The following ABCB4 variants were observed in gnomAD, a reference collection of about 807,000 sequenced individuals.
ABCB4 encodes the protein phosphatidylcholine translocator ABCB4.
A neutral mutation model predicts 145.7 loss-of-function variants in ABCB4; 76 were observed. The ratio of observed to expected loss-of-function variants is 0.52; its 90% CI spans 0.43 to 0.63. The LOEUF (loss-of-function observed/expected upper bound fraction) is 0.63, where lower values mean the gene tolerates loss of function less well. Ranked by LOEUF, ABCB4 falls within the 30% of genes least tolerant of loss-of-function variation. ABCB4 has a pLI of 0.00. For missense variants in ABCB4, 1,234 were observed against 1,553.1 expected (o/e 0.79, Z 3.45); for synonymous variants, 517 against 566.8 (o/e 0.91, Z 1.25).
chr7:87,474,422 G>A (rs540952717), intron 2 of ABCB4, among the ~76,000 whole-genome samples: 4 of 152,138 alleles, frequency 2.6e-5, no homozygotes, highest in Non-Finnish European at 5.9e-5. Context: ...ATACAGCAAG[G>A]TTACTGCACA....
At position 87,444,502 on chromosome 7, in the gene ABCB4, G is replaced by A. The variant is rs569746985; in HGVS notation, c.1119+360C>T. On this transcript the variant is annotated intron_variant, in intron 10 of 27. Coordinates refer to ENST00000649586, the MANE Select transcript of ABCB4 (RefSeq NM_000443.4). ...ATATACTGTCAATTTTGGTCCCACC[G>A]ATAATTTATCTACCCCCCATCCCAT... Among the ~76,000 whole-genome samples the A allele has an allele frequency of 5.9e-5, 9 of 152,160 alleles. No homozygotes were observed. The South Asian group carries it at 1.5e-3, about 25-fold the overall frequency.
At chr7:87,381,951 T>C in the ABCB4 span, 41 of 1,611,170 alleles carry the variant, frequency 2.5e-5, no homozygotes, top group South Asian at 4.2e-4. Context: ...ACATCAGTTA[T>C]TATGTGGATG....
At chr7:87,411,781 T>A in intron 23 of ABCB4, 112 bp downstream of exon 23, 1 of 978,654 alleles carries the variant, frequency 1.0e-6, no homozygotes, top group Non-Finnish European at 1.6e-6. Context: ...TAAATTTAAA[T>A]CCCTGACCTC....
At position 87,408,724 on chromosome 7, in the gene ABCB4, G is replaced by T. The variant is rs111715520; in HGVS notation, c.3082-490C>A. 2.6e-3 allele frequency among the ~76,000 whole-genome samples: 389 copies of T among 152,300 alleles called. 1 individual carries two copies. The highest frequency in any genetic ancestry group is 8.9e-3 in the African/African-American group (370 of 41,552). On this transcript the variant is annotated intron_variant, in intron 24 of 27. Transcript: ENST00000649586. ...GAAAGTCCTGGAAAGACTGTGTTAA[G>T]TCCTAGCCTCTTTACCTACACAGCT...
At chr7:87,384,681 A>G in the ABCB4 span, among the ~76,000 whole-genome samples, 1 of 152,028 alleles carries the variant, frequency 6.6e-6, no homozygotes, top group Non-Finnish European at 1.5e-5. Flanking sequence ...TGGGCTGCTG[A>G]TTGTTTCCTC....
intron 8 of ABCB4, 97 bp from the exon 9 acceptor site, chr7:87,447,302 A>G: frequency 8.2e-7 from 1 of 1,226,420 alleles, no homozygotes; most frequent in Admixed American, 2.0e-5. Context: ...TTTAAGTAAC[A>G]AAGTCAGTCA....
chr7:87,393,070 G>A, the ABCB4 span: 8 of 1,611,376 alleles, frequency 5.0e-6, no homozygotes, highest in Non-Finnish European at 6.8e-6. Context: ...GATGACAGGT[G>A]AGGCTTCTCT....
intron 27 of ABCB4, among the ~76,000 whole-genome samples, 154 bp downstream of exon 27, chr7:87,402,981 A>ACC (rs890441532): frequency 6.6e-6 from 1 of 152,222 alleles, no homozygotes; most frequent in Non-Finnish European, 1.5e-5. Context: ...CTAGGCAACA[A>ACC]CGAGACCCCG....
rs181857019 is a variant in ABCB4 at position 87,406,873 on chromosome 7, C to T, written c.3280-379G>A. ...ACCCTTCACCTTGACTTGATTTCCC[C>T]TTCCCCCATGCACAGCAGTGAAAAA... On this transcript the variant is annotated intron_variant, in intron 25 of 27. Coordinates refer to ENST00000649586, the MANE Select transcript of ABCB4 (RefSeq NM_000443.4). 3.3e-5 allele frequency among the ~76,000 whole-genome samples: 5 copies of T among 152,298 alleles called. No homozygotes were observed. In the East Asian group the frequency reaches 9.7e-4, roughly 29 times the overall value.
chr7:87,406,372 G>A lies in ABCB4; in HGVS notation c.3402C>T (p.Asp1134=), dbSNP rs371394487. 3.0e-4 allele frequency: 485 copies of A among 1,613,908 alleles called. 1 individual carries two copies. Among genetic ancestry groups the A allele is most frequent in the Non-Finnish European group, 3.9e-4 (456 of 1,180,020 alleles). ...CSIAENIAYG[D]NSRVVSQDEI... is the part of the protein sequence containing the mutation. Reference sequence around the variant, plus strand: ...CATCCTGTGATACAACCCGGCTGTTGTCTCCATAGGCAATATTCTCGGCAA... The same window carrying A: ...CATCCTGTGATACAACCCGGCTGTTATCTCCATAGGCAATATTCTCGGCAA... The change falls in exon 26 of 28, where the codon GAC becomes GAT. Residue 1134 remains aspartate (D), a synonymous_variant. Transcript: ENST00000649586.
chr7:87,429,914 T>A (rs74975190), intron 15 of ABCB4, among the ~76,000 whole-genome samples: 3,629 of 139,178 alleles, frequency 0.026, 83 homozygotes, highest in African/African-American at 0.067. Flanking sequence ...TTTTTTTTTT[T>A]AAAAAAAAAA....
chr7:87,414,191 T>A (rs1808816369), intron 21 of ABCB4, among the ~76,000 whole-genome samples: 3 of 152,204 alleles, frequency 2.0e-5, no homozygotes, highest in African/African-American at 7.2e-5. Flanking sequence ...GGGAAGGAGA[T>A]CCCAATTGTC....
At chr7:87,442,223 T>A (rs1811037894) in intron 12 of ABCB4, among the ~76,000 whole-genome samples, 1 of 152,062 alleles carries the variant, frequency 6.6e-6, no homozygotes, top group South Asian at 2.1e-4. Flanking sequence ...CTTTAGTAAA[T>A]GAGAATGGGC....
chr7:87,473,441 C>T (rs997945353), intron 2 of ABCB4, among the ~76,000 whole-genome samples: 1 of 152,150 alleles, frequency 6.6e-6, no homozygotes, highest in Non-Finnish European at 1.5e-5. Context: ...CTTTGCATTG[C>T]CAGTTACCTT....
the ABCB4 span, chr7:87,391,724 A>G: frequency 6.3e-7 from 1 of 1,598,208 alleles, no homozygotes. Flanking sequence ...TGAGTATTGG[A>G]AAGGAAAAAA....
chr7:87,451,246 T>G (rs1811706726), intron 7 of ABCB4, among the ~76,000 whole-genome samples: 1 of 151,930 alleles, frequency 6.6e-6, no homozygotes, highest in African/African-American at 2.4e-5. Flanking sequence ...GCGATTCTCC[T>G]GTCTCAGCCT....
chr7:87,439,978 T>C (rs567130893), intron 13 of ABCB4, 141 bp from the exon 14 acceptor site: 37 of 1,299,960 alleles, frequency 2.8e-5, no homozygotes, highest in Non-Finnish European at 4.0e-5. Context: ...ATAAATGAAT[T>C]CTGAATTATA....
rs192745823 is a variant in ABCB4, at chr7:87,447,191, A to G, written c.848T>C (p.Leu283Ser). ...NKELERYQKH[L>S]ENAKEIGIKK... ...AATTCCAATCTCTTTGGCATTTTCT[A>G]AATGTTTCTGATACCTACCAGAAAA... Residue 283 changes from leucine to serine, a missense_variant, in exon 9 of 28, where the codon TTA becomes TCA. Coordinates refer to ENST00000649586, the MANE Select transcript of ABCB4 (RefSeq NM_000443.4). 6.2e-7 allele frequency: 1 copy of G among 1,613,736 alleles called. No homozygotes were observed. The highest frequency in any genetic ancestry group is 2.2e-5 in the East Asian group (1 of 44,854).
chr7:87,387,091 G>GT, the ABCB4 span, among the ~76,000 whole-genome samples: 16 of 151,770 alleles, frequency 1.1e-4, no homozygotes, highest in South Asian at 1.9e-3. Flanking sequence ...TCTGCTTGAA[G>GT]TTTTTTGCTT....
Sources: allele counts gnomAD v4.1 joint callset (sites outside exome capture counted in the v4.1 genomes callset), GRCh38; gene constraint gnomAD v4.1.1; transcripts MANE v1.5; gene names NCBI Gene and HGNC (gene_info 2026-07-23, HGNC 2026-07-21).